PCTP: variants seen among roughly 807,000 people sequenced by gnomAD.
The protein encoded by PCTP is phosphatidylcholine transfer protein, also known as START domain-containing protein 2.
Under a neutral mutation model 31.0 loss-of-function variants are expected in PCTP, and 27 were observed. That is an observed-to-expected ratio of 0.87 (90% CI 0.64 to 1.20). The LOEUF is 1.20. Ranked by LOEUF, PCTP falls within the 50% of genes most tolerant of loss-of-function variation. PCTP has a pLI of 0.00. For missense variants in PCTP, 287 were observed against 268.2 expected (o/e 1.07, Z -0.49); for synonymous variants, 108 against 101.2 (o/e 1.07, Z -0.40).
intron 3 of PCTP, among the ~76,000 whole-genome samples, chr17:55,787,995 C>T: frequency 6.6e-6 from 1 of 152,122 alleles, no homozygotes; most frequent in East Asian, 1.9e-4. Context: ...TGCTTGTACT[C>T]TCTCTCTATT....
chr17:55,772,597 G>T (rs1187573591), intron 3 of PCTP, among the ~76,000 whole-genome samples: 1 of 144,972 alleles, frequency 6.9e-6, no homozygotes, highest in African/African-American at 2.5e-5. Context: ...AAAAAAAAAA[G>T]ACACTGAGGT....
intron 2 of PCTP, among the ~76,000 whole-genome samples, chr17:55,783,209 G>T (rs1279255493): frequency 1.3e-5 from 2 of 150,640 alleles, no homozygotes; most frequent in African/African-American, 2.5e-5. Flanking sequence ...TAATTTTTTT[G>T]ATTTTTCATT....
At chr17:55,786,147 G>C (rs149674385) in intron 2 of PCTP, among the ~76,000 whole-genome samples, 4,086 of 151,824 alleles carry the variant, frequency 0.027, 185 homozygotes, top group African/African-American at 0.094. Context: ...AGCTAGGCGT[G>C]GTGGCGCAGG....
At chr17:55,778,762 G>A (rs975527367), downstream of PCTP, among the ~76,000 whole-genome samples, 16 of 152,226 alleles carry the variant, frequency 1.1e-4, no homozygotes, top group South Asian at 4.1e-4. Flanking sequence ...AATTGAGTCC[G>A]GCTGAGATTA....
intron 3 of PCTP, among the ~76,000 whole-genome samples, chr17:55,772,050 A>G (rs1262184801): frequency 2.6e-5 from 4 of 152,198 alleles, no homozygotes; most frequent in Non-Finnish European, 2.9e-5. Context: ...TAATCACTAT[A>G]TCAAGATAAT....
intron 3 of PCTP, among the ~76,000 whole-genome samples, chr17:55,811,658 C>T (rs1912755613): frequency 1.3e-5 from 2 of 152,228 alleles, no homozygotes; most frequent in Non-Finnish European, 2.9e-5. Flanking sequence ...TTCACTTCCA[C>T]AGTCCAGCTG....
At chr17:55,799,493 A>T (rs1912303864) in intron 3 of PCTP, among the ~76,000 whole-genome samples, 1 of 151,540 alleles carries the variant, frequency 6.6e-6, no homozygotes, top group Non-Finnish European at 1.5e-5. Flanking sequence ...GGTCTCCTGA[A>T]TACAGCACAC....
intron 3 of PCTP, among the ~76,000 whole-genome samples, chr17:55,791,855 A>G (rs1013649921): frequency 6.6e-5 from 10 of 152,134 alleles, no homozygotes; most frequent in African/African-American, 2.4e-4. Context: ...ACACATGCAC[A>G]CATATGTTTA....
intron 1 of PCTP, among the ~76,000 whole-genome samples, chr17:55,753,409 T>C (rs974984581): frequency 1.3e-5 from 2 of 152,224 alleles, no homozygotes; most frequent in Non-Finnish European, 2.9e-5. Flanking sequence ...TGATTTCTTA[T>C]AATTCAGGTG....
intron 5 of PCTP, among the ~76,000 whole-genome samples, chr17:55,830,967 T>C (rs915206003): frequency 6.6e-6 from 1 of 152,152 alleles, no homozygotes; most frequent in African/African-American, 2.4e-5. Flanking sequence ...GGCAGATTTG[T>C]TCCTAACAGA....
intron 1 of PCTP, chr17:55,751,524 C>T (rs768504586): frequency 5.0e-6 from 7 of 1,395,864 alleles, no homozygotes; most frequent in Non-Finnish European, 6.6e-6. Context: ...ACAGTTGAAA[C>T]GTGGGTCAGC....
rs1909792832 is a variant in PCTP, at chr17:55,752,983, GTCC to G, written c.141+1744_141+1746del. The stretch of plus-strand genomic sequence containing the variant: ...GTCTTGGAACTCCTGGGCTCAAGCA[GTCC>G]TCCTGCCTCAGCCCTCAGCCTCCCA... On this transcript the variant is annotated intron_variant, in intron 1 of 5. Transcript: ENST00000268896. Among the ~76,000 whole-genome samples, 3 of 152,174 alleles carry G rather than the reference GTCC, an allele frequency of 2.0e-5. No individual in the cohort carries two copies. The South Asian group carries it at 6.2e-4, about 32-fold the overall frequency.
chr17:55,804,739 G>C (rs913664229), intron 3 of PCTP, among the ~76,000 whole-genome samples: 21 of 152,070 alleles, frequency 1.4e-4, no homozygotes, highest in African/African-American at 5.1e-4. Context: ...GGGAGGGATA[G>C]CATTAGGAGA....
chr17:55,783,210 A>AT (rs143193243), intron 2 of PCTP, among the ~76,000 whole-genome samples: 5,249 of 151,640 alleles, frequency 0.035, 297 homozygotes, highest in African/African-American at 0.12. Context: ...AATTTTTTTG[A>AT]TTTTTCATTC....
chr17:55,780,079 G>A (rs1244088307), downstream of PCTP, among the ~76,000 whole-genome samples: 3 of 146,744 alleles, frequency 2.0e-5, no homozygotes, highest in East Asian at 5.9e-4. Flanking sequence ...ATCCTTAACT[G>A]CAAGGAAGAA....
chr17:55,774,883 G>T, intron 5 of PCTP, 24 bp downstream of exon 5: 3 of 598,554 alleles, frequency 5.0e-6, no homozygotes, highest in South Asian at 1.4e-5. Flanking sequence ...AGGTGGGGCG[G>T]GGGGAGGGAT....
At chr17:55,831,644 A>G (rs952427095) in intron 5 of PCTP, among the ~76,000 whole-genome samples, 1 of 152,220 alleles carries the variant, frequency 6.6e-6, no homozygotes, top group Non-Finnish European at 1.5e-5. Flanking sequence ...TGGTGTATAT[A>G]ATAGATTGTC....
intron 3 of PCTP, among the ~76,000 whole-genome samples, chr17:55,821,413 G>T (rs569217163): frequency 1.3e-5 from 2 of 152,044 alleles, no homozygotes. Flanking sequence ...TTCTTTTGGG[G>T]GTGATAAAAT....
At chr17:55,844,519 G>A (rs1250254394), downstream of PCTP, among the ~76,000 whole-genome samples, 1 of 152,068 alleles carries the variant, frequency 6.6e-6, no homozygotes, top group East Asian at 1.9e-4. Context: ...AACCCTTGAG[G>A]TCAAATGCAG....
Sources: allele counts gnomAD v4.1 joint callset (sites outside exome capture counted in the v4.1 genomes callset), GRCh38; gene constraint gnomAD v4.1.1; transcripts MANE v1.5; gene names NCBI Gene and HGNC (gene_info 2026-07-23, HGNC 2026-07-21).